The following CAPZA2 variants were observed in gnomAD, a reference collection of about 807,000 sequenced individuals.
The protein encoded by CAPZA2 is F-actin-capping protein subunit alpha-2.
Under a neutral mutation model 44.0 loss-of-function variants are expected in CAPZA2, and 13 were observed. The ratio of observed to expected loss-of-function variants is 0.30; its 90% CI spans 0.19 to 0.47. CAPZA2 has a LOEUF of 0.47. CAPZA2 is among the 20% of genes least tolerant of loss of function. CAPZA2 has a pLI of 1.00. For synonymous variants in CAPZA2, 94 were observed against 108.2 expected (o/e 0.87, Z 0.81); for missense variants, 244 against 338.6 (o/e 0.72, Z 2.19).
chr7:116,892,412 G>A (rs1796858178), intron 2 of CAPZA2, among the ~76,000 whole-genome samples: 1 of 151,944 alleles, frequency 6.6e-6, no homozygotes, highest in African/African-American at 2.4e-5. Context: ...CAAAGTGCTT[G>A]GATTTTTTTC....
chr7:116,889,899 G>A (rs563898206), intron 2 of CAPZA2, among the ~76,000 whole-genome samples: 6 of 152,260 alleles, frequency 3.9e-5, no homozygotes, highest in South Asian at 2.1e-4. Context: ...CTTTTACTTC[G>A]TGTAAGATTT....
At chr7:116,894,573 A>G (rs928417181) in intron 3 of CAPZA2, among the ~76,000 whole-genome samples, 24 of 152,218 alleles carry the variant, frequency 1.6e-4, no homozygotes, top group African/African-American at 5.8e-4. Context: ...TATTTTACCC[A>G]TTAAGTGTAC....
At chr7:116,890,559 TATATATATACAC>T (rs1796827122) in intron 2 of CAPZA2, among the ~76,000 whole-genome samples, 17 of 13,664 alleles carry the variant, frequency 1.2e-3, no homozygotes, top group Non-Finnish European at 1.8e-3. Flanking sequence ...TATATATATA[TATATATATACAC>T]ATATATATAT....
chr7:116,871,987 T>G (rs1453029615), intron 1 of CAPZA2, among the ~76,000 whole-genome samples: 1 of 152,012 alleles, frequency 6.6e-6, no homozygotes, highest in Non-Finnish European at 1.5e-5. Context: ...GTAATTCCTT[T>G]TTGTTGTTGT....
At chr7:116,872,237 C>G (rs1300114126) in intron 1 of CAPZA2, among the ~76,000 whole-genome samples, 1 of 151,826 alleles carries the variant, frequency 6.6e-6, no homozygotes, top group Non-Finnish European at 1.5e-5. Flanking sequence ...AGAGAACATT[C>G]TAGGGTGTAT....
In CAPZA2 at chr7:116,916,822, G is replaced by C. The variant is rs368566976; in HGVS notation, c.720+700G>C. Among the ~76,000 whole-genome samples, 44 of 152,284 alleles carry C rather than the reference G, an allele frequency of 2.9e-4. 1 individual carries two copies. The highest frequency in any genetic ancestry group is 9.2e-4 in the Admixed American group (14 of 15,284). On this transcript the variant is annotated intron_variant, in intron 9 of 9. Transcript: ENST00000361183. ...CTGCATTAGTGCTTCAGTGAGCATT[G>C]CCTTTGAGTGTCATGTTGATGCTCA...
intron 2 of CAPZA2, among the ~76,000 whole-genome samples, chr7:116,890,977 CTG>C (rs746549795): frequency 3.0e-4 from 46 of 152,042 alleles, no homozygotes; most frequent in Non-Finnish European, 5.1e-4. Flanking sequence ...CCTAGGCTGA[CTG>C]TGTTAGAATC....
Position 116,890,709 on chromosome 7 carries a change from C to T in CAPZA2, c.104-2285C>T, listed in dbSNP as rs111722289. 1.9e-3 allele frequency among the ~76,000 whole-genome samples: 218 copies of T among 114,114 alleles called. 2 individuals carry two copies. Among genetic ancestry groups the T allele is most frequent in the African/African-American group, 7.2e-3 (213 of 29,694 alleles). 74.9% of individuals were successfully genotyped at this position (114,114 alleles called of 152,430 possible). ...AGGAGAATTGCTCAAACCCAGGAGG[C>T]GGAGGTTACATTGAGTCAAGATCGC... On this transcript the variant is annotated intron_variant, in intron 2 of 9. Transcript: ENST00000361183.
intron 1 of CAPZA2, among the ~76,000 whole-genome samples, chr7:116,872,274 G>A (rs2115875622): frequency 6.6e-6 from 1 of 152,228 alleles, no homozygotes; most frequent in Non-Finnish European, 1.5e-5. Context: ...AAGGGAAAAG[G>A]AAATTGAAAA....
At position 116,865,992 on chromosome 7, in the gene CAPZA2, G is replaced by A. The variant is rs146388613; in HGVS notation, c.39+3342G>A. On this transcript the variant is annotated intron_variant, in intron 1 of 9. Transcript: ENST00000361183. ...ATTTAAAGGTGTTATGTTACTGATA[G>A]GAAGCATTTTAGAAATCAATCTAGA... 3.5e-3 allele frequency among the ~76,000 whole-genome samples: 526 copies of A among 152,226 alleles called. 4 individuals are homozygous for A. Among genetic ancestry groups the A allele is most frequent in the Non-Finnish European group, 6.3e-3 (429 of 68,000 alleles).
intron 4 of CAPZA2, among the ~76,000 whole-genome samples, chr7:116,901,860 C>A (rs1464312229): frequency 2.2e-5 from 3 of 139,376 alleles, no homozygotes; most frequent in African/African-American, 2.7e-5. Context: ...GAAAAAAAAA[C>A]ATGCTTGAAA....
intron 2 of CAPZA2, among the ~76,000 whole-genome samples, chr7:116,890,980 T>C (rs1212632986): frequency 1.3e-5 from 2 of 152,022 alleles, no homozygotes; most frequent in African/African-American, 4.8e-5. Context: ...AGGCTGACTG[T>C]GTTAGAATCA....
chr7:116,901,881 A>ATATATGTG lies in CAPZA2; in HGVS notation c.220-2295_220-2294insATATGTGT, dbSNP rs375500363. On this transcript the variant is annotated intron_variant, in intron 4 of 9. Transcript: ENST00000361183. ...AAAACATGCTTGAAATAACGAAGAAATGTGTGTGTGTGTGTGTGTGTGTGT... is the reference window on the plus strand; with the variant it reads ...AAAACATGCTTGAAATAACGAAGAAATATATGTGTGTGTGTGTGTGTGTGTGTGTGTGT... Among the ~76,000 whole-genome samples the ATATATGTG allele has an allele frequency of 1.5e-4, 21 of 140,900 alleles. No homozygotes were observed. The East Asian group carries it at 3.0e-3, about 20-fold the overall frequency. The allele number at this position is 140,900 out of a possible 152,430, so 92.4% of individuals were successfully genotyped here.
intron 1 of CAPZA2, among the ~76,000 whole-genome samples, chr7:116,881,101 G>A (rs1796692308): frequency 6.6e-6 from 1 of 152,080 alleles, no homozygotes; most frequent in South Asian, 2.1e-4. Flanking sequence ...GTTAACCAAA[G>A]CCTCTATTAA....
rs999682965 is a variant in CAPZA2, at chr7:116,904,412, G to T, written c.426+29G>T. The T allele has an allele frequency of 2.2e-6, 3 of 1,386,072 alleles. No homozygotes were observed. In the Admixed American group the frequency reaches 5.1e-5, roughly 23 times the overall value. The allele number at this position is 1,386,072 out of a possible 1,614,324, so 85.9% of individuals were successfully genotyped here. ...AGTCATCAGTAGCAGCTTTGTGTGT[G>T]TGTTTTGTGTAAATGTGAGTCTTTA... is the stretch of plus-strand genomic sequence containing the variant. On this transcript the variant is annotated intron_variant, in intron 5 of 9. Coordinates refer to ENST00000361183, the MANE Select transcript of CAPZA2 (RefSeq NM_006136.3).
chr7:116,868,216 C>T (rs1032220981), intron 1 of CAPZA2, among the ~76,000 whole-genome samples: 10 of 152,122 alleles, frequency 6.6e-5, no homozygotes, highest in South Asian at 4.1e-4. Flanking sequence ...TACAATTTTG[C>T]GTAATAGTTA....
In CAPZA2 at chr7:116,917,932, C is replaced by G. The variant is rs1487690127; in HGVS notation, c.*65C>G. ...GTTAAAAAATCATTGCAAAAGTATT[C>G]TGAACTGTCAAGCTGCCCAGTCAGA... On this transcript the variant is annotated 3_prime_UTR_variant, in exon 10 of 10. Transcript: ENST00000361183. 33 of 1,394,448 alleles carry G rather than the reference C, an allele frequency of 2.4e-5. No individual in the cohort carries two copies. Among genetic ancestry groups the G allele is most frequent in the Non-Finnish European group, 3.1e-5 (31 of 986,716 alleles). The allele number at this position is 1,394,448 out of a possible 1,614,324, so 86.4% of individuals were successfully genotyped here.
intron 5 of CAPZA2, 85 bp from the exon 6 acceptor site, chr7:116,906,178 C>T: frequency 6.5e-7 from 1 of 1,537,482 alleles, no homozygotes; most frequent in East Asian, 2.3e-5. Flanking sequence ...AAGTACTGTA[C>T]AATTTGCAGT....
intron 4 of CAPZA2, among the ~76,000 whole-genome samples, chr7:116,903,320 C>T (rs1050752373): frequency 2.6e-5 from 4 of 151,268 alleles, no homozygotes; most frequent in African/African-American, 7.3e-5. Flanking sequence ...AATGACCAGT[C>T]GCTTCTCGGC....
Sources: allele counts gnomAD v4.1 joint callset (sites outside exome capture counted in the v4.1 genomes callset), GRCh38; gene constraint gnomAD v4.1.1; transcripts MANE v1.5; gene names NCBI Gene and HGNC (gene_info 2026-07-23, HGNC 2026-07-21).